GDAP1: variants seen among roughly 807,000 people sequenced by gnomAD.
GDAP1 encodes the protein ganglioside-induced differentiation-associated protein 1.
A neutral mutation model predicts 40.1 loss-of-function variants in GDAP1; 34 were observed. The ratio of observed to expected loss-of-function variants is 0.85; its 90% CI spans 0.64 to 1.13. The LOEUF (loss-of-function observed/expected upper bound fraction) is 1.13, where lower values mean the gene tolerates loss of function less well. Among genes scored for constraint, GDAP1 ranks in the 50% most tolerant of loss-of-function variants. The probability of loss-of-function intolerance (pLI) is 0.00; values close to 1 mark genes in which losing one functional copy is unlikely to be tolerated. For synonymous variants in GDAP1, 170 were observed against 157.4 expected, an observed-to-expected ratio of 1.08 and a Z score of -0.60; for missense variants, 374 against 433.7, an observed-to-expected ratio of 0.86 and a Z score of 1.22.
At chr8:74,418,738 A>G (rs1805818707) in intron 2 of GDAP1, among the ~76,000 whole-genome samples, 1 of 152,214 alleles carries the variant, frequency 6.6e-6, no homozygotes, top group Non-Finnish European at 1.5e-5. Context: ...TAAGACAAGG[A>G]AAAGACAAAA....
At chr8:74,393,789 G>A (rs1244001976) in intron 2 of GDAP1, among the ~76,000 whole-genome samples, 1 of 152,078 alleles carries the variant, frequency 6.6e-6, no homozygotes, top group Non-Finnish European at 1.5e-5. Flanking sequence ...TTAAATGAGG[G>A]CAAATACCTT....
chr8:74,409,104 A>T (rs1805676455), intron 2 of GDAP1, among the ~76,000 whole-genome samples: 1 of 149,952 alleles, frequency 6.7e-6, no homozygotes. Context: ...TCTATACGTG[A>T]TTCTGATGTG....
At position 74,365,224 on chromosome 8, in the gene GDAP1, C is replaced by T. The variant is rs866265413; in HGVS notation, c.*857C>T. The T allele has an allele frequency of 1.3e-5, 6 of 453,906 alleles. No homozygotes were observed. The highest frequency in any genetic ancestry group is 4.7e-5 in the Admixed American group (2 of 42,546). 28.1% of individuals were successfully genotyped at this position (453,906 alleles called of 1,614,324 possible). A position where few individuals can be genotyped will look rare whatever the true frequency, so the allele number is the denominator to read the frequency against. On this transcript the variant is annotated 3_prime_UTR_variant, in exon 6 of 6. Coordinates refer to ENST00000220822, the MANE Select transcript of GDAP1 (RefSeq NM_018972.4). ...GGGAGCACCAAATATGTTCATTCTT[C>T]GTTTGGGGAGGCTGGTCTGTAAACA...
chr8:74,386,229 A>G (rs1810022771), intron 2 of GDAP1, among the ~76,000 whole-genome samples: 1 of 140,244 alleles, frequency 7.1e-6, no homozygotes. Context: ...TTTTGTTGCC[A>G]TTGCTTTTGG....
chr8:74,377,983 A>G (rs939073987), intron 2 of GDAP1, among the ~76,000 whole-genome samples: 2 of 152,240 alleles, frequency 1.3e-5, no homozygotes, highest in African/African-American at 4.8e-5. Flanking sequence ...ATATAGATGA[A>G]TTTCAAAAAA....
At chr8:74,487,844 G>C (rs1806795298) in intron 2 of GDAP1, among the ~76,000 whole-genome samples, 2 of 152,114 alleles carry the variant, frequency 1.3e-5, no homozygotes, top group Admixed American at 6.6e-5. Context: ...TCAGCTGAAG[G>C]ATATGGACCA....
intron 2 of GDAP1, among the ~76,000 whole-genome samples, chr8:74,403,469 T>C (rs1464756413): frequency 6.7e-6 from 1 of 150,344 alleles, no homozygotes; most frequent in Non-Finnish European, 1.5e-5. Context: ...CCGTTCTACA[T>C]AGGAGATGAC....
downstream of GDAP1, among the ~76,000 whole-genome samples, chr8:74,367,680 G>T (rs1217966852): frequency 6.6e-6 from 1 of 152,174 alleles, no homozygotes; most frequent in African/African-American, 2.4e-5. Flanking sequence ...TAATACTCCA[G>T]AACAGTTGTT....
chr8:74,482,124 G>C (rs974516621), intron 2 of GDAP1, among the ~76,000 whole-genome samples: 4 of 148,638 alleles, frequency 2.7e-5, no homozygotes, highest in Non-Finnish European at 6.0e-5. Context: ...TTTTTTGGGG[G>C]GGGGGGGTCA....
intron 3 of GDAP1, among the ~76,000 whole-genome samples, chr8:74,361,658 G>C (rs1809370164): frequency 6.6e-6 from 1 of 152,132 alleles, no homozygotes; most frequent in African/African-American, 2.4e-5. Flanking sequence ...GCCTCCCAAA[G>C]TGCTGGGATT....
At chr8:74,459,510 G>A (rs1319587308) in intron 2 of GDAP1, among the ~76,000 whole-genome samples, 1 of 152,130 alleles carries the variant, frequency 6.6e-6, no homozygotes, top group Non-Finnish European at 1.5e-5. Context: ...TGATTCTGAG[G>A]CAGAAGCTTC....
chr8:74,366,813 C>G lies in GDAP1; in HGVS notation c.*2446C>G. 2.2e-6 allele frequency: 1 copy of G among 453,328 alleles called. No individual in the cohort carries two copies. The highest frequency in any genetic ancestry group is 4.4e-6 in the Non-Finnish European group (1 of 226,522). 28.1% of individuals were successfully genotyped at this position (453,328 alleles called of 1,614,324 possible). A position where few individuals can be genotyped will look rare whatever the true frequency, so the allele number is the denominator to read the frequency against. On this transcript the variant is annotated 3_prime_UTR_variant, in exon 6 of 6. Coordinates refer to ENST00000220822, the MANE Select transcript of GDAP1 (RefSeq NM_018972.4). ...GGTGTTGTTGAATGCAGTAGAGAGA[C>G]CAAGACACTATTCTGTAAGATCAAT...
At chr8:74,463,269 T>C (rs1363037477) in intron 2 of GDAP1, among the ~76,000 whole-genome samples, 4 of 141,314 alleles carry the variant, frequency 2.8e-5, no homozygotes, top group East Asian at 2.1e-4. Context: ...CTTAGGAACA[T>C]AGGGAGACCC....
chr8:74,419,771 A>G (rs1397345169), intron 2 of GDAP1, among the ~76,000 whole-genome samples: 1 of 152,058 alleles, frequency 6.6e-6, no homozygotes, highest in Non-Finnish European at 1.5e-5. Flanking sequence ...GTTTTCTTCT[A>G]GGGGTTCTCT....
chr8:74,487,548 C>T lies in GDAP1; in HGVS notation c.166-1130C>T, dbSNP rs1415829401. ...GAGAAAAGCGGGAAATATGAATATT[C>T]AATACTCACTGAAAATGATGGGCTT... is the stretch of plus-strand genomic sequence containing the variant. On this transcript the variant is annotated intron_variant, in intron 2 of 2. Transcript: ENST00000523640. Among the ~76,000 whole-genome samples the T allele has an allele frequency of 2.0e-5, 3 of 152,152 alleles. No homozygotes were observed. The East Asian group carries it at 5.8e-4, about 29-fold the overall frequency.
chr8:74,363,891 C>T (rs1376544943), intron 5 of GDAP1, 94 bp from the exon 6 acceptor site: 3 of 984,416 alleles, frequency 3.0e-6, no homozygotes, highest in Non-Finnish European at 4.9e-6. Flanking sequence ...TTGCTATACT[C>T]ACACTCACCC....
At chr8:74,376,293 G>A (rs1809849964) in intron 2 of GDAP1, among the ~76,000 whole-genome samples, 1 of 150,976 alleles carries the variant, frequency 6.6e-6, no homozygotes, top group Non-Finnish European at 1.5e-5. Flanking sequence ...AAATGCGAAG[G>A]ACATAGTAAT....
At chr8:74,405,793 A>G (rs1489613374) in intron 2 of GDAP1, among the ~76,000 whole-genome samples, 1 of 150,018 alleles carries the variant, frequency 6.7e-6, no homozygotes, top group Non-Finnish European at 1.5e-5. Flanking sequence ...GAGGAACTAA[A>G]ACATGAGTGA....
intron 2 of GDAP1, among the ~76,000 whole-genome samples, chr8:74,480,371 A>AGGAGTT (rs1806696101): frequency 6.6e-6 from 1 of 152,136 alleles, no homozygotes; most frequent in Non-Finnish European, 1.5e-5. Flanking sequence ...CTGTCACTCT[A>AGGAGTT]GGAGTTGGGT....
Sources: gnomAD v4.1 joint callset for allele counts (sites outside exome capture counted in the v4.1 genomes callset) on GRCh38, gnomAD v4.1.1 for gene constraint, MANE v1.5 for transcripts, NCBI Gene and HGNC (gene_info 2026-07-23, HGNC 2026-07-21) for gene names.